The following ANK2 variants were observed in gnomAD, a reference collection of about 807,000 sequenced individuals.
ANK2 encodes the protein ankyrin-2.
ANK2 carries 83 observed loss-of-function variants against 360.5 expected under a neutral mutation model. That is an observed-to-expected ratio of 0.23 (90% CI 0.19 to 0.28). The LOEUF is 0.28. Ranked by LOEUF, ANK2 falls within the 10% of genes least tolerant of loss-of-function variation. ANK2 has a pLI of 1.00. For synonymous variants in ANK2, 1,740 were observed against 1,759.5 expected, an observed-to-expected ratio of 0.99 and a Z score of 0.28; for missense variants, 4,201 against 4,795.7, an observed-to-expected ratio of 0.88 and a Z score of 3.66.
At chr4:113,334,773 T>C (rs1356782868) in intron 29 of ANK2, among the ~76,000 whole-genome samples, 1 of 112,628 alleles carries the variant, frequency 8.9e-6, no homozygotes, top group African/African-American at 3.6e-5. Flanking sequence ...ACTAGAAAGT[T>C]AATAGATTAA....
chr4:113,357,505 ACCATCACAT>A lies in ANK2; in HGVS notation c.8890_8898del (p.Ile2964_Ser2966del). ...TCACTCTTCTGAAGTGTATTCTGTTACCATCACATCCCCTGTTGAAGACGTTGTAGTGGC... is the reference window on the plus strand; with the variant it reads ...TCACTCTTCTGAAGTGTATTCTGTTACCCCTGTTGAAGACGTTGTAGTGGC... On this transcript the variant is annotated inframe_deletion, in exon 38 of 46. Transcript: ENST00000357077. 6.2e-7 allele frequency: 1 copy of A among 1,614,138 alleles called. No homozygotes were observed.
At position 113,123,105 on chromosome 4, in the gene ANK2, G is replaced by A. The variant is rs1158777913; in HGVS notation, c.85-51311G>A. Among the ~76,000 whole-genome samples the A allele has an allele frequency of 6.6e-5, 10 of 151,628 alleles. No individual in the cohort carries two copies. The South Asian group carries it at 1.9e-3, about 28-fold the overall frequency. On this transcript the variant is annotated intron_variant, in intron 1 of 45. Transcript: ENST00000357077. ...TTAATTGAAAAAAGCTACTATGAGG[G>A]ATTGACTTATTTTTGGAATCTAAAA...
intron 2 of ANK2, among the ~76,000 whole-genome samples, chr4:113,191,463 C>T (rs542513257): frequency 6.6e-6 from 1 of 152,174 alleles, no homozygotes; most frequent in Non-Finnish European, 1.5e-5. Context: ...TACCCATCTA[C>T]TTCCTAGGTT....
chr4:113,357,208 G>A lies in ANK2; in HGVS notation c.8590G>A (p.Asp2864Asn), dbSNP rs775472966. ...LVSEGKELDE[D>N]ISATSSIQKT... ...ATCTGAAGGAAAAGAATTAGATGAA[G>A]ACATATCTGCCACATCTTCTATTCA... The change falls in exon 38 of 46, where the codon GAC becomes AAC. Residue 2864 changes from aspartate to asparagine, a missense_variant. Around this residue, in one of 4 missense-constraint regions of ANK2, gnomAD observed 2,642 missense variants for 2,714.5 expected, o/e 0.97. Coordinates refer to ENST00000357077, the MANE Select transcript of ANK2 (RefSeq NM_001148.6). 6.2e-7 allele frequency: 1 copy of A among 1,614,050 alleles called. No homozygotes were observed. Among genetic ancestry groups the A allele is most frequent in the Admixed American group, 1.7e-5 (1 of 60,016 alleles).
chr4:113,353,869 G>C lies in ANK2; in HGVS notation c.5251G>C (p.Val1751Leu). Reference protein sequence around the residue: ...PGLAPEPLPTVKATSPLIEET... With the variant: ...PGLAPEPLPTLKATSPLIEET... Reference sequence around the variant, plus strand: ...TTTAGCCCCTGAACCCCTTCCCACTGTCAAGGCCACATCTCCTTTGATAGA... The same window carrying C: ...TTTAGCCCCTGAACCCCTTCCCACTCTCAAGGCCACATCTCCTTTGATAGA... Residue 1751 changes from valine to leucine, a missense_variant, in exon 38 of 46, where the codon GTC (valine) becomes CTC (leucine). Transcript: ENST00000357077. 6.2e-7 allele frequency: 1 copy of C among 1,614,046 alleles called. No homozygotes were observed. Among genetic ancestry groups the C allele is most frequent in the South Asian group, 1.1e-5 (1 of 91,074 alleles).
chr4:112,978,954 A>G (rs2042264815), intron 2 of ANK2, among the ~76,000 whole-genome samples: 1 of 152,224 alleles, frequency 6.6e-6, no homozygotes, highest in Admixed American at 6.5e-5. Flanking sequence ...GCTTGAGTAG[A>G]TTATTTCTCT....
intron 4 of ANK2, among the ~76,000 whole-genome samples, chr4:113,210,894 G>C (rs62313188): frequency 0.022 from 3,343 of 152,144 alleles, 56 homozygotes; most frequent in Middle Eastern, 0.037. Flanking sequence ...CTATTTATTA[G>C]ATTTATTGAT....
At chr4:113,232,461 C>T (rs550166031) in intron 5 of ANK2, among the ~76,000 whole-genome samples, 4 of 152,262 alleles carry the variant, frequency 2.6e-5, no homozygotes, top group African/African-American at 9.6e-5. Context: ...ATTTTGGATT[C>T]GTGTCTATTT....
intron 17 of ANK2, among the ~76,000 whole-genome samples, chr4:113,279,877 C>T (rs2153705347): frequency 6.6e-6 from 1 of 151,978 alleles, no homozygotes; most frequent in South Asian, 2.1e-4. Flanking sequence ...TTTTCTACAA[C>T]CTCATCAATT....
chr4:113,117,715 A>G (rs1475601449), intron 1 of ANK2, among the ~76,000 whole-genome samples: 1 of 151,870 alleles, frequency 6.6e-6, no homozygotes, highest in Non-Finnish European at 1.5e-5. Context: ...TCTTCAGGCT[A>G]CTCTTAGTAC....
chr4:113,123,850 T>C (rs2095511735), intron 1 of ANK2, among the ~76,000 whole-genome samples: 1 of 152,200 alleles, frequency 6.6e-6, no homozygotes, highest in Non-Finnish European at 1.5e-5. Flanking sequence ...ATCGTAGATT[T>C]ACTTCTAATA....
chr4:112,720,802 T>C, the ANK2 span, among the ~76,000 whole-genome samples: 1 of 152,234 alleles, frequency 6.6e-6, no homozygotes, highest in South Asian at 2.1e-4. Flanking sequence ...AACTCAAATA[T>C]TTCTTGCCTA....
At chr4:113,090,551 T>C (rs2087384334) in intron 1 of ANK2, among the ~76,000 whole-genome samples, 1 of 152,136 alleles carries the variant, frequency 6.6e-6, no homozygotes, top group Non-Finnish European at 1.5e-5. Flanking sequence ...TTTTTTGGAG[T>C]TGCTTTTATA....
intron 2 of ANK2, among the ~76,000 whole-genome samples, chr4:112,973,124 A>G (rs890059743): frequency 6.6e-6 from 1 of 151,636 alleles, no homozygotes; most frequent in African/African-American, 2.4e-5. Flanking sequence ...CCACCAAAGA[A>G]CTTATCTGTG....
At chr4:113,022,420 T>G (rs2154298596) in intron 2 of ANK2, among the ~76,000 whole-genome samples, 1 of 152,262 alleles carries the variant, frequency 6.6e-6, no homozygotes, top group East Asian at 1.9e-4. Context: ...TTCAAATGCT[T>G]CACCTTTCAC....
At chr4:113,244,286 C>T (rs929982092) in intron 9 of ANK2, among the ~76,000 whole-genome samples, 5 of 151,858 alleles carry the variant, frequency 3.3e-5, no homozygotes, top group Admixed American at 1.3e-4. Flanking sequence ...CCTGAAGATA[C>T]GACAGTTAAC....
chr4:113,337,255 T>C (rs977555737), intron 31 of ANK2, among the ~76,000 whole-genome samples: 1 of 152,240 alleles, frequency 6.6e-6, no homozygotes, highest in Admixed American at 6.5e-5. Flanking sequence ...TGTTATGGAA[T>C]TGGTTATGTC....
At chr4:113,190,282 T>G (rs72673459) in intron 2 of ANK2, among the ~76,000 whole-genome samples, 6,479 of 152,128 alleles carry the variant, frequency 0.043, 167 homozygotes, top group Non-Finnish European at 0.063. Context: ...TTTTTTAGTT[T>G]TCATTTTTTG....
At chr4:112,830,295 C>T (rs1393155329) in intron 1 of ANK2, among the ~76,000 whole-genome samples, 1 of 152,160 alleles carries the variant, frequency 6.6e-6, no homozygotes, top group African/African-American at 2.4e-5. Context: ...GTGGTACATA[C>T]ACAACATGGA....
Sources: allele counts gnomAD v4.1 joint callset (sites outside exome capture counted in the v4.1 genomes callset), GRCh38; gene constraint gnomAD v4.1.1; regional missense constraint gnomAD v4.1.1; transcripts MANE v1.5; gene names NCBI Gene and HGNC (gene_info 2026-07-23, HGNC 2026-07-21).